Variants in PCDHA7 observed in about 807,000 individuals in gnomAD.
The protein encoded by PCDHA7 is protocadherin alpha 7, also known as protocadherin alpha-7.
A neutral mutation model predicts 57.2 loss-of-function variants in PCDHA7; 37 were observed. The observed-to-expected ratio is 0.65, with a 90% CI of 0.50 to 0.85. The LOEUF (loss-of-function observed/expected upper bound fraction) is 0.85, where lower values mean the gene tolerates loss of function less well. Ranked by LOEUF, PCDHA7 falls within the 40% of genes least tolerant of loss-of-function variation. The pLI, the probability that PCDHA7 is intolerant of heterozygous loss-of-function variation, is 0.00. For synonymous variants in PCDHA7, 553 were observed against 558.8 expected, an observed-to-expected ratio of 0.99 and a Z score of 0.15; for missense variants, 1,188 against 1,241.8, an observed-to-expected ratio of 0.96 and a Z score of 0.65.
At chr5:140,877,504 A>G (rs532509235) in intron 1 of PCDHA7, 1 of 1,613,764 alleles carries the variant, frequency 6.2e-7, no homozygotes, top group South Asian at 1.1e-5. Context: ...GGCCCCAAAG[A>G]CGTCGTCGCG....
chr5:140,905,750 C>T (rs1349523564), intron 1 of PCDHA7, among the ~76,000 whole-genome samples: 1 of 152,102 alleles, frequency 6.6e-6, no homozygotes, highest in Non-Finnish European at 1.5e-5. Flanking sequence ...GATCTTTCAC[C>T]TCCTTGGTTA....
chr5:140,896,283 T>TG (rs1440417603), intron 1 of PCDHA7, among the ~76,000 whole-genome samples: 4 of 152,258 alleles, frequency 2.6e-5, no homozygotes, highest in Admixed American at 6.5e-5. Context: ...CTGGCTTGAA[T>TG]GGTAAGTTCT....
At chr5:140,959,591 A>C (rs2095498403) in intron 1 of PCDHA7, among the ~76,000 whole-genome samples, 1 of 152,220 alleles carries the variant, frequency 6.6e-6, no homozygotes, top group African/African-American at 2.4e-5. Context: ...CTATCAGCCA[A>C]GTATAACATG....
intron 1 of PCDHA7, among the ~76,000 whole-genome samples, chr5:140,890,901 T>C (rs1583031993): frequency 6.6e-6 from 1 of 152,194 alleles, no homozygotes; most frequent in Admixed American, 6.5e-5. Flanking sequence ...TGTCTTTCCA[T>C]GTTAGAATAA....
At position 140,906,503 on chromosome 5, in the gene PCDHA7, AAAG is replaced by A. The variant is rs537708204; in HGVS notation, c.2355+69769_2355+69771del. Among the ~76,000 whole-genome samples the A allele has an allele frequency of 2.0e-5, 3 of 152,376 alleles. No homozygotes were observed. The South Asian group carries it at 6.2e-4, about 32-fold the overall frequency. On this transcript the variant is annotated intron_variant, in intron 1 of 3. Transcript: ENST00000525929. The stretch of plus-strand genomic sequence containing the variant: ...ATAAATGCACAAACATGTTTTTAAC[AAAG>A]AAGGAGGAAATACTCACGACAATTA...
rs1269379462 is a variant in PCDHA7, at chr5:141,005,696, C to T, written c.2504-3931C>T. 3.0e-4 allele frequency among the ~76,000 whole-genome samples: 31 copies of T among 105,030 alleles called. No individual in the cohort carries two copies. In the East Asian group the frequency reaches 8.2e-3, roughly 28 times the overall value. 68.9% of individuals were successfully genotyped at this position (105,030 alleles called of 152,430 possible). ...CAGCCTGGGCGACAGAGCGAAACTC[C>T]GTCTCAAAAAAAAAAAAAAAAAAAA... is the stretch of plus-strand genomic sequence containing the variant. On this transcript the variant is annotated intron_variant, in intron 3 of 3. Transcript: ENST00000525929.
At chr5:140,915,204 C>T (rs2077022161) in intron 1 of PCDHA7, among the ~76,000 whole-genome samples, 1 of 152,236 alleles carries the variant, frequency 6.6e-6, no homozygotes, top group East Asian at 1.9e-4. Flanking sequence ...ATCTTGGCCT[C>T]CCAAAGTGCT....
chr5:140,836,236 C>G lies in PCDHA7; in HGVS notation c.1853C>G (p.Ala618Gly), dbSNP rs2150256110. The G allele has an allele frequency of 6.8e-6, 11 of 1,613,794 alleles. No individual in the cohort carries two copies. Among genetic ancestry groups the G allele is most frequent in the Middle Eastern group, 1.6e-4 (1 of 6,062 alleles). ...SYELQPVAAG[A>G]SIPFRVGLYT... ...GAGTTGCAACCGGTGGCGGCCGGTG[C>G]GAGCATCCCGTTCCGCGTGGGGCTG... Residue 618 changes from alanine to glycine, a missense_variant, in exon 1 of 4, where the codon GCG becomes GGG. By Grantham distance (60) the Ala-to-Gly change is moderately conservative (BLOSUM62 0). This residue lies in a region of PCDHA7 where 892 missense variants were observed against 788.5 expected (regional missense o/e 1.13). Coordinates refer to ENST00000525929, the MANE Select transcript of PCDHA7 (RefSeq NM_018910.3).
chr5:140,869,106 G>A (rs1300691956), intron 1 of PCDHA7: 1 of 1,602,672 alleles, frequency 6.2e-7, no homozygotes, highest in Non-Finnish European at 8.5e-7. Flanking sequence ...CGTATGCGAT[G>A]TTTGGTTTTC....
chr5:140,861,396 C>T, intron 1 of PCDHA7: 1 of 455,520 alleles, frequency 2.2e-6, no homozygotes, highest in Non-Finnish European at 4.5e-6. Context: ...GGGTCTGGAG[C>T]TTGTGGAGCT....
intron 1 of PCDHA7, among the ~76,000 whole-genome samples, chr5:140,962,590 C>T (rs2095694493): frequency 6.6e-6 from 1 of 152,144 alleles, no homozygotes; most frequent in African/African-American, 2.4e-5. Context: ...AAATATTTGA[C>T]TGATATATTT....
chr5:140,871,468 G>A lies in PCDHA7; in HGVS notation c.2355+34730G>A, dbSNP rs781821721. 4 of 1,602,054 alleles carry A rather than the reference G, an allele frequency of 2.5e-6. No individual in the cohort carries two copies. In the Admixed American group the frequency reaches 5.2e-5, roughly 21 times the overall value. On this transcript the variant is annotated intron_variant, in intron 1 of 3. Transcript: ENST00000525929. Reference sequence around the variant, plus strand: ...TAAAGAGGAGGAAGGGGAAAGACAGGAGCCAGGGTCAAATCACCCCGGACA... The same window carrying A: ...TAAAGAGGAGGAAGGGGAAAGACAGAAGCCAGGGTCAAATCACCCCGGACA...
intron 1 of PCDHA7, chr5:140,969,181 T>C (rs1554231546): frequency 1.2e-6 from 2 of 1,613,978 alleles, no homozygotes; most frequent in Non-Finnish European, 8.5e-7. Flanking sequence ...GGAGTGACAC[T>C]TTCATGTTTT....
intron 1 of PCDHA7, chr5:140,884,824 T>C: frequency 1.0e-6 from 1 of 993,590 alleles, no homozygotes; most frequent in Non-Finnish European, 1.4e-6. Context: ...ACATTATGTG[T>C]TGGATTATCC....
intron 1 of PCDHA7, chr5:140,867,266 A>G (rs553827522): frequency 2.6e-5 from 4 of 152,196 alleles, no homozygotes; most frequent in African/African-American, 9.6e-5. Flanking sequence ...CTTTTGTTCA[A>G]AATAAACCTG....
At chr5:140,861,560 C>T in intron 1 of PCDHA7, 2 of 391,164 alleles carry the variant, frequency 5.1e-6, no homozygotes, top group African/African-American at 2.1e-5. Flanking sequence ...TGATCGTGGA[C>T]AAGCTGCTAC....
At chr5:140,946,629 T>TATATATATATATAC (rs1367833800) in intron 1 of PCDHA7, among the ~76,000 whole-genome samples, 1 of 123,274 alleles carries the variant, frequency 8.1e-6, no homozygotes, top group Admixed American at 8.1e-5. Flanking sequence ...TATATATATA[T>TATATATATATATAC]ATACAATGGA....
chr5:140,856,303 G>C (rs1554148515), intron 1 of PCDHA7: 1 of 1,598,648 alleles, frequency 6.3e-7, no homozygotes, highest in Non-Finnish European at 8.6e-7. Flanking sequence ...TTTTGTTTGT[G>C]AATTCTCGGA....
chr5:140,834,435 A>T lies in PCDHA7; in HGVS notation c.52A>T (p.Ile18Phe), dbSNP rs2150217910. The T allele has an allele frequency of 1.2e-6, 2 of 1,607,790 alleles. No individual in the cohort carries two copies. Among genetic ancestry groups the T allele is most frequent in the East Asian group, 2.2e-5 (1 of 44,888 alleles). The change falls in exon 1 of 4, where the codon ATT (isoleucine) becomes TTT (phenylalanine). Residue 18 changes from isoleucine (I) to phenylalanine (F), a missense_variant. By Grantham distance (21) the Ile-to-Phe change is conservative (BLOSUM62 0). Transcript: ENST00000525929. ...AGGGGGCCGACATCTACTGCTGTTT[A>T]TTATAATTCTAGCAGCTTGGGAGGC... ...DPGGRHLLLF[I>F]IILAAWEAGR... is the part of the protein sequence containing the mutation.
Sources: gnomAD v4.1 joint callset for allele counts (sites outside exome capture counted in the v4.1 genomes callset) on GRCh38, gnomAD v4.1.1 for gene constraint, gnomAD v4.1.1 regional missense constraint, MANE v1.5 for transcripts, NCBI Gene and HGNC (gene_info 2026-07-23, HGNC 2026-07-21) for gene names.